The following TRPM3 variants were observed in gnomAD, a reference collection of about 807,000 sequenced individuals.
TRPM3 encodes transient receptor potential cation channel subfamily M member 3.
A neutral mutation model predicts 181.2 loss-of-function variants in TRPM3; 77 were observed. The observed-to-expected ratio is 0.42, with a 90% CI of 0.35 to 0.51. TRPM3 has a LOEUF of 0.51. Ranked by LOEUF, TRPM3 falls within the 20% of genes least tolerant of loss-of-function variation. TRPM3 has a pLI of 0.01. For missense variants in TRPM3, 1,759 were observed against 2,196.7 expected (o/e 0.80, Z 3.98); for synonymous variants, 745 against 796.4 (o/e 0.94, Z 1.09).
upstream of TRPM3, among the ~76,000 whole-genome samples, chr9:71,124,962 T>A (rs570243912): frequency 3.9e-5 from 6 of 152,336 alleles, no homozygotes; most frequent in African/African-American, 1.4e-4. Flanking sequence ...TTAAAATTCA[T>A]AGGTATCTGG....
At chr9:70,596,992 T>C (rs948410299) in intron 21 of TRPM3, among the ~76,000 whole-genome samples, 1 of 152,064 alleles carries the variant, frequency 6.6e-6, no homozygotes, top group African/African-American at 2.4e-5. Context: ...TGGAGTGCAA[T>C]GGTGTGATCT....
intron 1 of TRPM3, among the ~76,000 whole-genome samples, chr9:71,040,587 T>C (rs1048026036): frequency 6.6e-6 from 1 of 152,202 alleles, no homozygotes; most frequent in African/African-American, 2.4e-5. Context: ...GCAACCATCA[T>C]GGTTATAATT....
chr9:70,900,297 C>T (rs774345800), intron 1 of TRPM3, among the ~76,000 whole-genome samples: 11 of 151,908 alleles, frequency 7.2e-5, no homozygotes, highest in Non-Finnish European at 1.0e-4. Flanking sequence ...GCCAAGATCA[C>T]GCCACTGCAC....
At chr9:71,310,823 A>G (rs1312590025) in intron 1 of TRPM3, among the ~76,000 whole-genome samples, 1 of 152,144 alleles carries the variant, frequency 6.6e-6, no homozygotes. Context: ...GGCACCAAAG[A>G]AAGCTTAACC....
intron 1 of TRPM3, among the ~76,000 whole-genome samples, chr9:71,312,973 CAT>C (rs963559918): frequency 6.6e-6 from 1 of 152,052 alleles, no homozygotes; most frequent in African/African-American, 2.4e-5. Context: ...ATGGGAGAGA[CAT>C]GTCATTATAC....
intron 9 of TRPM3, among the ~76,000 whole-genome samples, chr9:70,641,454 GAAGGTCTTTT>G (rs2058049959): frequency 6.6e-6 from 1 of 152,148 alleles, no homozygotes; most frequent in African/African-American, 2.4e-5. Flanking sequence ...AAAGAGTTAG[GAAGGTCTTTT>G]AACAGAGAGG....
intron 11 of TRPM3, among the ~76,000 whole-genome samples, chr9:70,638,575 C>A (rs7868028): frequency 0.47 from 70,650 of 150,404 alleles, 18,078 homozygotes; most frequent in Non-Finnish European, 0.57. Flanking sequence ...AAAACAAAAC[C>A]AAAATTTTTG....
intron 1 of TRPM3, among the ~76,000 whole-genome samples, chr9:71,422,480 C>T (rs1054635915): frequency 1.3e-5 from 2 of 151,976 alleles, no homozygotes; most frequent in Non-Finnish European, 2.9e-5. Context: ...GAGTGATGCC[C>T]CCTTGACCAC....
rs1009204385 is a variant in TRPM3, at chr9:70,923,762, G to A, written c.178-59251C>T. Among the ~76,000 whole-genome samples, 4 of 149,774 alleles carry A rather than the reference G, an allele frequency of 2.7e-5. No individual in the cohort carries two copies. In the East Asian group the frequency reaches 5.9e-4, roughly 22 times the overall value. The stretch of plus-strand genomic sequence containing the variant: ...ACTAGCTTATTCATCCAGCTTGGCC[G>A]AGTAATACTGGCAACACAAATAACA... On this transcript the variant is annotated intron_variant, in intron 1 of 25. Coordinates refer to ENST00000677713, the MANE Select transcript of TRPM3 (RefSeq NM_001366145.2).
At chr9:70,764,758 A>G (rs1380994025) in intron 7 of TRPM3, among the ~76,000 whole-genome samples, 1 of 152,186 alleles carries the variant, frequency 6.6e-6, no homozygotes, top group Non-Finnish European at 1.5e-5. Context: ...GCATAAAGTT[A>G]AAGAAATTAA....
chr9:71,333,193 G>C (rs1201205166), intron 1 of TRPM3, among the ~76,000 whole-genome samples: 4 of 151,792 alleles, frequency 2.6e-5, no homozygotes, highest in Non-Finnish European at 4.4e-5. Flanking sequence ...TCCGTTAAGG[G>C]GACTGCAAGA....
At chr9:70,869,065 G>A (rs2095725318) in intron 1 of TRPM3, 1 of 985,142 alleles carries the variant, frequency 1.0e-6, no homozygotes, top group Non-Finnish European at 1.2e-6. Context: ...AGCTAGGGCT[G>A]GTCATTCCGT....
chr9:70,784,690 G>T (rs2083218251), intron 6 of TRPM3, among the ~76,000 whole-genome samples: 1 of 152,144 alleles, frequency 6.6e-6, no homozygotes, highest in Non-Finnish European at 1.5e-5. Context: ...TATATGAAAA[G>T]TAGGAAGTTA....
At chr9:71,015,893 A>C (rs1227880385) in intron 1 of TRPM3, among the ~76,000 whole-genome samples, 1 of 151,986 alleles carries the variant, frequency 6.6e-6, no homozygotes, top group African/African-American at 2.4e-5. Flanking sequence ...AATAATTCAC[A>C]AGAGAGGTAA....
At chr9:71,221,288 A>T (rs566300267) in intron 1 of TRPM3, among the ~76,000 whole-genome samples, 78 of 152,354 alleles carry the variant, frequency 5.1e-4, no homozygotes, top group African/African-American at 1.8e-3. Context: ...ATTTACTGGA[A>T]AAGTTTGCCG....
chr9:71,395,788 C>G (rs1245080344), intron 1 of TRPM3, among the ~76,000 whole-genome samples: 1 of 152,138 alleles, frequency 6.6e-6, no homozygotes, highest in Non-Finnish European at 1.5e-5. Flanking sequence ...AAGAAAATGC[C>G]TTTTAATACC....
chr9:71,341,088 A>G (rs913140696), intron 1 of TRPM3, among the ~76,000 whole-genome samples: 7 of 152,160 alleles, frequency 4.6e-5, no homozygotes, highest in Admixed American at 2.0e-4. Context: ...TTGGTTACAT[A>G]AATAACTGAA....
chr9:70,886,659 T>G (rs2096088125), intron 1 of TRPM3, among the ~76,000 whole-genome samples: 1 of 152,010 alleles, frequency 6.6e-6, no homozygotes, highest in Non-Finnish European at 1.5e-5. Context: ...TCAACACTTT[T>G]TTTTCTTTTT....
chr9:71,363,825 T>C (rs1324310202), intron 1 of TRPM3, among the ~76,000 whole-genome samples: 1 of 152,102 alleles, frequency 6.6e-6, no homozygotes, highest in Non-Finnish European at 1.5e-5. Flanking sequence ...ACCTTCCTGG[T>C]CTACAAGTTC....
Sources: gnomAD v4.1 joint callset for allele counts (sites outside exome capture counted in the v4.1 genomes callset) on GRCh38, gnomAD v4.1.1 for gene constraint, MANE v1.5 for transcripts, NCBI Gene and HGNC (gene_info 2026-07-23, HGNC 2026-07-21) for gene names.